Variants in PDZD2 observed in about 807,000 individuals in gnomAD.
The protein encoded by PDZD2 is PDZ domain-containing protein 2.
In PDZD2, 90 loss-of-function variants were observed where a neutral mutation model predicts 220.7. The observed-to-expected ratio is 0.41, with a 90% CI of 0.34 to 0.49. The LOEUF is 0.49. Among genes scored for constraint, PDZD2 ranks in the 20% least tolerant of loss-of-function variants. The pLI, the probability that PDZD2 is intolerant of heterozygous loss-of-function variation, is 0.28. For missense variants in PDZD2, 3,174 were observed against 3,608.5 expected, an observed-to-expected ratio of 0.88 and a Z score of 3.08; for synonymous variants, 1,375 against 1,450.5, an observed-to-expected ratio of 0.95 and a Z score of 1.18.
In PDZD2 at chr5:32,071,383, G is replaced by A. The variant is rs1740722325; in HGVS notation, c.2534-1G>A. On this transcript the variant is annotated splice_acceptor_variant, in intron 15 of 24. Coordinates refer to ENST00000438447, the MANE Select transcript of PDZD2 (RefSeq NM_178140.4). LOFTEE classifies it high-confidence loss of function. ...AATATGGTGAATTTTCCCTCCAACA[G>A]GTACCCCCTTGAAGAGTCCCTCTCT... The A allele has an allele frequency of 6.2e-7, 1 of 1,605,788 alleles. No homozygotes were observed. Among genetic ancestry groups the A allele is most frequent in the African/African-American group, 1.3e-5 (1 of 74,746 alleles).
chr5:32,070,903 G>GAGAATTGCTTGAACCCGGGAGGC (rs56171290), intron 15 of PDZD2, among the ~76,000 whole-genome samples: 39,719 of 151,308 alleles, frequency 0.26, 5,430 homozygotes, highest in East Asian at 0.41. Flanking sequence ...GCTGAGACAG[G>GAGAATTGCTTGAACCCGGGAGGC]AGAGGTTTCA....
intron 2 of PDZD2, among the ~76,000 whole-genome samples, chr5:31,897,887 C>T (rs902002696): frequency 6.6e-6 from 1 of 152,102 alleles, no homozygotes; most frequent in African/African-American, 2.4e-5. Flanking sequence ...CAGGTGCCTG[C>T]CATCACATCT....
intron 2 of PDZD2, among the ~76,000 whole-genome samples, chr5:31,805,116 A>T (rs900360623): frequency 6.6e-6 from 1 of 152,138 alleles, no homozygotes; most frequent in Non-Finnish European, 1.5e-5. Flanking sequence ...AATCACTTGA[A>T]CCCAGGAGGT....
At chr5:31,689,431 G>A (rs111316307) in intron 1 of PDZD2, among the ~76,000 whole-genome samples, 82,204 of 139,650 alleles carry the variant, frequency 0.59, 24,415 homozygotes, top group East Asian at 0.75. Context: ...CTGACCTCAG[G>A]AGATCTGCCC....
At chr5:31,659,177 G>T (rs1186345362) in intron 1 of PDZD2, among the ~76,000 whole-genome samples, 1 of 152,002 alleles carries the variant, frequency 6.6e-6, no homozygotes, top group Non-Finnish European at 1.5e-5. Context: ...GTCTCTCTGA[G>T]CTCCTCTCCA....
intron 2 of PDZD2, among the ~76,000 whole-genome samples, chr5:31,892,092 T>G (rs1276966847): frequency 6.6e-6 from 1 of 151,918 alleles, no homozygotes; most frequent in East Asian, 1.9e-4. Context: ...TTTTATTTTT[T>G]GTAGAGATGT....
chr5:32,100,827 T>G (rs1339315946), intron 23 of PDZD2: 1 of 1,376,386 alleles, frequency 7.3e-7, no homozygotes, highest in Admixed American at 1.8e-5. Context: ...TGGGGATTTC[T>G]GCTTGGGCAT....
rs891519574 is a variant in PDZD2 at position 32,098,642 on chromosome 5, G to C, written c.8218+8G>C. On this transcript the variant is annotated splice_region_variant and intron_variant, in intron 23 of 24. Transcript: ENST00000438447. This position sits in a 1 kb window ranked among gnomAD's most constrained non-coding sequence, Gnocchi z 4.1. Reference sequence around the variant, plus strand: ...CCCTGGAGCCTGGCATTGGTAAGATGATCATTTCAACAACCAGCAGGCTGT... The same window carrying C: ...CCCTGGAGCCTGGCATTGGTAAGATCATCATTTCAACAACCAGCAGGCTGT... 2.5e-6 allele frequency: 4 copies of C among 1,607,784 alleles called. No individual in the cohort carries two copies. In the African/African-American group the frequency reaches 5.3e-5, roughly 21 times the overall value.
intron 2 of PDZD2, among the ~76,000 whole-genome samples, chr5:31,926,267 G>A (rs1172596550): frequency 1.3e-5 from 2 of 150,774 alleles, no homozygotes; most frequent in Non-Finnish European, 2.9e-5. Flanking sequence ...GATGGCTCAC[G>A]CCTGTAATCC....
intron 1 of PDZD2, chr5:31,747,958 A>T (rs1259992621): frequency 1.3e-5 from 2 of 152,030 alleles, no homozygotes; most frequent in East Asian, 3.9e-4. Context: ...CTCTGTTAAA[A>T]CTCTGGATCT....
At chr5:32,039,656 G>A (rs1370103628) in intron 7 of PDZD2, among the ~76,000 whole-genome samples, 1 of 150,472 alleles carries the variant, frequency 6.6e-6, no homozygotes, top group Non-Finnish European at 1.5e-5. Context: ...TGTCTAGGAA[G>A]TGAGCCTCTG....
intron 2 of PDZD2, among the ~76,000 whole-genome samples, chr5:31,981,404 C>T (rs143436858): frequency 2.5e-4 from 38 of 152,320 alleles, no homozygotes; most frequent in African/African-American, 9.1e-4. Flanking sequence ...ATTTCAAGCA[C>T]ATCTGGTCAC....
chr5:32,035,329 C>T (rs902899880), intron 6 of PDZD2, among the ~76,000 whole-genome samples: 7 of 151,682 alleles, frequency 4.6e-5, no homozygotes, highest in Non-Finnish European at 7.4e-5. Context: ...GGCGTGATCT[C>T]GGCTCACTGC....
chr5:32,095,316 TCTCA>T (rs1281065508), intron 21 of PDZD2, among the ~76,000 whole-genome samples: 1 of 152,230 alleles, frequency 6.6e-6, no homozygotes, highest in African/African-American at 2.4e-5. Flanking sequence ...CCCTTTATTT[TCTCA>T]CTGTCTTCAG....
At chr5:32,060,900 C>T (rs1460871865) in intron 13 of PDZD2, 102 bp from the exon 14 acceptor site, 12 of 1,100,882 alleles carry the variant, frequency 1.1e-5, no homozygotes, top group Non-Finnish European at 1.5e-5. Context: ...TTAAAGTATT[C>T]AGAAAAGATT....
At chr5:31,944,368 C>A (rs1436078105) in intron 2 of PDZD2, among the ~76,000 whole-genome samples, 1 of 151,986 alleles carries the variant, frequency 6.6e-6, no homozygotes, top group Non-Finnish European at 1.5e-5. Context: ...ACTGGGGGAT[C>A]TTGATAAAAT....
chr5:31,700,489 C>T (rs59299083), intron 1 of PDZD2, among the ~76,000 whole-genome samples: 7,688 of 152,208 alleles, frequency 0.051, 260 homozygotes, highest in Middle Eastern at 0.11. Context: ...CTCCTCCACC[C>T]ATGTCCTGCT....
intron 2 of PDZD2, among the ~76,000 whole-genome samples, chr5:31,821,647 G>C (rs183963684): frequency 6.6e-6 from 1 of 152,108 alleles, no homozygotes; most frequent in Non-Finnish European, 1.5e-5. Context: ...CCAAAGTGCT[G>C]GGGTTACAGG....
intron 2 of PDZD2, among the ~76,000 whole-genome samples, chr5:31,879,727 T>C (rs2150334466): frequency 6.6e-6 from 1 of 152,204 alleles, no homozygotes; most frequent in Non-Finnish European, 1.5e-5. Flanking sequence ...CAAGGCAGAT[T>C]TTAAAACGTT....
Sources: gnomAD v4.1 joint callset for allele counts (sites outside exome capture counted in the v4.1 genomes callset) on GRCh38, gnomAD v4.1.1 for gene constraint, Gnocchi (gnomAD v3.1) non-coding constraint, MANE v1.5 for transcripts, NCBI Gene and HGNC (gene_info 2026-07-23, HGNC 2026-07-21) for gene names.